The following CPED1 variants were observed in gnomAD, a reference collection of about 807,000 sequenced individuals.
The protein encoded by CPED1 is cadherin like and PC-esterase domain containing 1.
A neutral mutation model predicts 128.2 loss-of-function variants in CPED1; 114 were observed. The ratio of observed to expected loss-of-function variants is 0.89; its 90% CI spans 0.76 to 1.04. The LOEUF is 1.04. Among genes scored for constraint, CPED1 ranks in the 50% least tolerant of loss-of-function variants. The pLI is 0.00. For synonymous variants in CPED1, 462 were observed against 426.7 expected, an observed-to-expected ratio of 1.08 and a Z score of -1.02; for missense variants, 1,211 against 1,207.1, an observed-to-expected ratio of 1.00 and a Z score of -0.05.
chr7:121,221,679 C>G (rs1434763044), intron 16 of CPED1, among the ~76,000 whole-genome samples: 1 of 151,992 alleles, frequency 6.6e-6, no homozygotes, highest in Non-Finnish European at 1.5e-5. Context: ...GATGGTATCT[C>G]ATTATGGTTT....
chr7:121,259,914 T>C (rs1791971540), intron 18 of CPED1, among the ~76,000 whole-genome samples: 1 of 152,084 alleles, frequency 6.6e-6, no homozygotes, highest in African/African-American at 2.4e-5. Context: ...TGTTAAGTAG[T>C]GTCTTGGACT....
At chr7:121,021,535 A>G (rs1208258375) in intron 3 of CPED1, among the ~76,000 whole-genome samples, 1 of 152,026 alleles carries the variant, frequency 6.6e-6, no homozygotes, top group Non-Finnish European at 1.5e-5. Context: ...GCTATAAGGA[A>G]GTCGAGCTTT....
At chr7:121,076,036 TTTTTTC>T (rs1223017742) in intron 5 of CPED1, among the ~76,000 whole-genome samples, 1 of 152,168 alleles carries the variant, frequency 6.6e-6, no homozygotes. Flanking sequence ...TGGGACATTA[TTTTTTC>T]ACTTTTCAAA....
At chr7:121,022,786 T>C (rs752487197) in intron 3 of CPED1, among the ~76,000 whole-genome samples, 1 of 152,150 alleles carries the variant, frequency 6.6e-6, no homozygotes, top group Non-Finnish European at 1.5e-5. Context: ...CCGCGTCATA[T>C]CACTTAGGTC....
intron 4 of CPED1, among the ~76,000 whole-genome samples, chr7:121,055,528 CACT>C (rs1793472877): frequency 6.6e-6 from 1 of 151,280 alleles, no homozygotes; most frequent in Non-Finnish European, 1.5e-5. Flanking sequence ...ATTACACAAA[CACT>C]AACACAAATT....
intron 18 of CPED1, among the ~76,000 whole-genome samples, chr7:121,256,111 C>CAAAAAAAAAAAAA (rs1286167648): frequency 9.4e-4 from 32 of 34,140 alleles, no homozygotes; most frequent in African/African-American, 3.4e-3. Context: ...CAATCCTAAG[C>CAAAAAAAAAAAAA]AAAAAAAAAA....
At chr7:121,142,991 T>C (rs1407635595) in intron 16 of CPED1, among the ~76,000 whole-genome samples, 1 of 151,996 alleles carries the variant, frequency 6.6e-6, no homozygotes, top group African/African-American at 2.4e-5. Flanking sequence ...GGTTACCATG[T>C]TTTTTATAAA....
intron 2 of CPED1, among the ~76,000 whole-genome samples, chr7:121,009,606 CA>C (rs372071345): frequency 0.013 from 1,215 of 90,722 alleles, 11 homozygotes; most frequent in African/African-American, 0.035. Context: ...GCCCCTGTCT[CA>C]AAAAAAAAAA....
chr7:121,108,457 T>A (rs1200634671), intron 7 of CPED1, among the ~76,000 whole-genome samples: 1 of 152,122 alleles, frequency 6.6e-6, no homozygotes, highest in East Asian at 1.9e-4. Context: ...GATGACTATA[T>A]GTTAAGAAAA....
chr7:121,261,694 G>A, intron 18 of CPED1: 1 of 1,609,648 alleles, frequency 6.2e-7, no homozygotes, highest in Non-Finnish European at 8.5e-7. Flanking sequence ...CAGTCATCCT[G>A]GGACCCTAAA....
At chr7:121,020,738 C>CCAAG (rs1427823377) in intron 3 of CPED1, among the ~76,000 whole-genome samples, 2 of 151,902 alleles carry the variant, frequency 1.3e-5, no homozygotes, top group Non-Finnish European at 2.9e-5. Context: ...CTGTGAGCCT[C>CCAAG]CAAGCACCTA....
chr7:121,035,940 T>C (rs1383209547), intron 3 of CPED1, among the ~76,000 whole-genome samples: 3 of 151,762 alleles, frequency 2.0e-5, no homozygotes. Flanking sequence ...GCATCTCTTC[T>C]AGAGTATTAC....
Position 121,116,021 on chromosome 7 carries a change from T to C in CPED1, c.919-8310T>C, listed in dbSNP as rs569253098. 2.6e-4 allele frequency among the ~76,000 whole-genome samples: 40 copies of C among 152,292 alleles called. No homozygotes were observed. The South Asian group carries it at 7.9e-3, about 30-fold the overall frequency. On this transcript the variant is annotated intron_variant, in intron 7 of 22. Coordinates refer to ENST00000310396, the MANE Select transcript of CPED1 (RefSeq NM_024913.5). Reference sequence around the variant, plus strand: ...AGGTTGAATATAATGCAATCAAGGGTCCATCATTCAAAGCAAATAATTAAA... The same window carrying C: ...AGGTTGAATATAATGCAATCAAGGGCCCATCATTCAAAGCAAATAATTAAA...
chr7:121,025,366 A>T (rs1300474642), intron 3 of CPED1, among the ~76,000 whole-genome samples: 1 of 152,206 alleles, frequency 6.6e-6, no homozygotes, highest in Non-Finnish European at 1.5e-5. Context: ...TAGGAAATTC[A>T]GTCACTATTA....
At chr7:121,213,632 CT>C (rs767710255) in intron 16 of CPED1, among the ~76,000 whole-genome samples, 5 of 152,030 alleles carry the variant, frequency 3.3e-5, no homozygotes, top group Non-Finnish European at 7.4e-5. Flanking sequence ...CATTACTCTG[CT>C]GTAGGAAACC....
chr7:121,266,939 TTAAAA>T (rs1416278211), intron 20 of CPED1, 131 bp downstream of exon 20: 1 of 695,904 alleles, frequency 1.4e-6, no homozygotes, highest in Non-Finnish European at 2.5e-6. Flanking sequence ...AAAGTCTAGT[TTAAAA>T]TAATAAAGTA....
In CPED1 at chr7:121,246,734, T is replaced by G. The variant is rs138653578; in HGVS notation, c.2310+2396T>G. Among the ~76,000 whole-genome samples the G allele has an allele frequency of 5.8e-3, 883 of 152,266 alleles. 7 individuals are homozygous for G. The highest frequency in any genetic ancestry group is 0.02 in the African/African-American group (819 of 41,530). ...CTTTACTAATTTCTAGGCTGATTAT[T>G]AATGACTCTACAAAGTAGTGGTTAA... On this transcript the variant is annotated intron_variant, in intron 18 of 22. Transcript: ENST00000310396.
At chr7:121,093,133 C>T (rs1794611701) in intron 5 of CPED1, among the ~76,000 whole-genome samples, 1 of 151,918 alleles carries the variant, frequency 6.6e-6, no homozygotes, top group African/African-American at 2.4e-5. Context: ...CCCTTTTTGC[C>T]ATTTCTACCT....
rs1205695183 is a variant in CPED1 at position 121,133,894 on chromosome 7, G to T, written c.1648+1G>T. On this transcript the variant is annotated splice_donor_variant, in intron 13 of 22. Transcript: ENST00000310396. LOFTEE classifies it high-confidence loss of function. Reference sequence around the variant, plus strand: ...TTTGATGCAATAGAAAATAAAAAAGGTAAAAATATAGATATTCCCACTTAT... The same window carrying T: ...TTTGATGCAATAGAAAATAAAAAAGTTAAAAATATAGATATTCCCACTTAT... The T allele has an allele frequency of 6.5e-7, 1 of 1,532,214 alleles. No individual in the cohort carries two copies. Among genetic ancestry groups the T allele is most frequent in the South Asian group, 1.2e-5 (1 of 85,274 alleles). 94.9% of individuals were successfully genotyped at this position (1,532,214 alleles called of 1,614,324 possible). A position where few individuals can be genotyped will look rare whatever the true frequency, so the allele number is the denominator to read the frequency against.
Sources: gnomAD v4.1 joint callset for allele counts (sites outside exome capture counted in the v4.1 genomes callset) on GRCh38, gnomAD v4.1.1 for gene constraint, MANE v1.5 for transcripts, NCBI Gene and HGNC (gene_info 2026-07-23, HGNC 2026-07-21) for gene names.